TEX11: variants seen among roughly 807,000 people sequenced by gnomAD.
TEX11 encodes the protein testis expressed 11.
A neutral mutation model predicts 84.4 loss-of-function variants in TEX11; 7 were observed. The observed-to-expected ratio is 0.08, with a 90% CI of 0.05 to 0.16. The LOEUF is 0.16. Ranked by LOEUF, TEX11 falls within the 10% of genes least tolerant of loss-of-function variation. The pLI is 1.00. For synonymous variants in TEX11, 264 were observed against 222.8 expected (o/e 1.18, Z -1.64); for missense variants, 551 against 660.5 (o/e 0.83, Z 1.82).
intron 20 of TEX11, among the ~76,000 whole-genome samples, chrX:70,611,674 C>A (rs2147531089): frequency 9.0e-6 from 1 of 111,472 alleles, no homozygotes; most frequent in South Asian, 3.9e-4. Flanking sequence ...ACAGCCTGAC[C>A]TTCTGGGGTA....
intron 2 of TEX11, among the ~76,000 whole-genome samples, chrX:70,883,666 A>C (rs1363775329): frequency 8.9e-6 from 1 of 111,779 alleles, no homozygotes; most frequent in East Asian, 2.8e-4. Flanking sequence ...TTTTGAAAAA[A>C]ATTATTAAAT....
At chrX:70,615,623 G>A (rs773704006) in intron 20 of TEX11, among the ~76,000 whole-genome samples, 1 of 112,000 alleles carries the variant, frequency 8.9e-6, no homozygotes, top group East Asian at 2.8e-4. Context: ...GTTTCTTAAA[G>A]GGATAATAAT....
chrX:70,852,639 A>C (rs1229561212), intron 7 of TEX11, among the ~76,000 whole-genome samples: 1 of 112,413 alleles, frequency 8.9e-6, no homozygotes, highest in Non-Finnish European at 1.9e-5. Context: ...ATCTCAGCAG[A>C]CTTTTAGAAA....
intron 7 of TEX11, among the ~76,000 whole-genome samples, chrX:70,840,491 GA>G (rs2091436084): frequency 8.9e-6 from 1 of 111,830 alleles, no homozygotes; most frequent in Non-Finnish European, 1.9e-5. Flanking sequence ...GCTAAACATG[GA>G]AAGGAACAAC....
chrX:70,644,657 T>C (rs1314297255), intron 17 of TEX11, among the ~76,000 whole-genome samples: 1 of 93,188 alleles, frequency 1.1e-5, no homozygotes, highest in African/African-American at 3.9e-5. Flanking sequence ...TCATTCTCAG[T>C]AAACTATCGC....
intron 11 of TEX11, among the ~76,000 whole-genome samples, chrX:70,726,331 T>C (rs896009724): frequency 1.8e-5 from 2 of 111,787 alleles, no homozygotes; most frequent in African/African-American, 3.3e-5. Context: ...ATGGACATTT[T>C]ACTTCTGTTA....
chrX:70,755,199 T>C (rs1362415783), intron 9 of TEX11, among the ~76,000 whole-genome samples: 4 of 112,323 alleles, frequency 3.6e-5, no homozygotes, highest in African/African-American at 6.5e-5. Context: ...AATAGCTGTT[T>C]TGAGGAAACT....
chrX:70,651,678 GA>G, intron 16 of TEX11, 126 bp from the exon 17 acceptor site: 1 of 424,296 alleles, frequency 2.4e-6, no homozygotes, highest in Middle Eastern at 4.1e-4. Context: ...ATGAATCTAA[GA>G]AAAATATTTG....
At position 70,811,162 on chromosome X, in the gene TEX11, C is replaced by T. The variant is rs753033635; in HGVS notation, c.607-4372G>A. On this transcript the variant is annotated intron_variant, in intron 8 of 29. Transcript: ENST00000374333. ...TTTACATTAGGTATATCTCCTAATG[C>T]GATCCCTCCCCCCTGCCCCCACCCC... Among the ~76,000 whole-genome samples the T allele has an allele frequency of 2.4e-4, 26 of 110,331 alleles. 1 individual carries two copies. The highest frequency in any genetic ancestry group is 3.2e-4 in the Non-Finnish European group (17 of 52,740).
At chrX:70,617,349 T>TATATATATCATTATATATAC (rs2089330028) in intron 20 of TEX11, among the ~76,000 whole-genome samples, 1 of 106,409 alleles carries the variant, frequency 9.4e-6, no homozygotes, top group African/African-American at 3.4e-5. Flanking sequence ...AGGTTTTATA[T>TATATATATCATTATATATAC]ATATATATCA....
chrX:70,808,232 G>A (rs188460352), intron 8 of TEX11, among the ~76,000 whole-genome samples: 8 of 107,442 alleles, frequency 7.4e-5, no homozygotes, highest in African/African-American at 2.4e-4. Flanking sequence ...GCTGGGCACC[G>A]TGGCTCAAGC....
chrX:70,794,219 ACT>A (rs1346170175), intron 9 of TEX11, among the ~76,000 whole-genome samples: 2 of 111,230 alleles, frequency 1.8e-5, no homozygotes, highest in Non-Finnish European at 1.9e-5. Flanking sequence ...TGATTGTGAG[ACT>A]CTGCATCGCA....
chrX:70,602,162 G>A (rs1246642227), intron 24 of TEX11, among the ~76,000 whole-genome samples: 4 of 111,957 alleles, frequency 3.6e-5, no homozygotes, highest in Non-Finnish European at 1.9e-5. Context: ...GGCCGGGCGG[G>A]GGGCTGACCC....
intron 25 of TEX11, among the ~76,000 whole-genome samples, chrX:70,566,885 C>A (rs1315211485): frequency 1.8e-5 from 2 of 111,477 alleles, no homozygotes; most frequent in Non-Finnish European, 3.8e-5. Context: ...TGTGTCTCTG[C>A]CCGGCTTTGG....
At chrX:70,784,414 C>A (rs759931558) in intron 9 of TEX11, among the ~76,000 whole-genome samples, 45 of 111,414 alleles carry the variant, frequency 4.0e-4, no homozygotes, top group Middle Eastern at 4.6e-3. Context: ...CTTTGAAAAC[C>A]GGCACAAGAC....
Position 70,682,799 on chromosome X carries a change from G to A in TEX11, c.1031C>T (p.Thr344Met), listed in dbSNP as rs760003842. 12 of 1,206,857 alleles carry A rather than the reference G, an allele frequency of 9.9e-6. No individual in the cohort carries two copies. The highest frequency in any genetic ancestry group is 2.3e-4 in the Middle Eastern group (1 of 4,356). Residue 344 changes from threonine (T) to methionine (M), a missense_variant, in exon 14 of 30, where the codon ACG becomes ATG. Physicochemically the swap from Thr to Met is moderately conservative, Grantham distance 81. Transcript: ENST00000374333. ...TGACTTAAAACGTTCATGAATAATC[G>A]TCAGGAAATGAAACCCAACAGATTC... ...ERESVGFHFL[T>M]IIHERFKSSE... is the part of the protein sequence containing the mutation.
intron 16 of TEX11, among the ~76,000 whole-genome samples, chrX:70,657,560 G>T (rs1430151665): frequency 1.8e-5 from 2 of 108,909 alleles, no homozygotes; most frequent in Non-Finnish European, 3.8e-5. Flanking sequence ...AATCATAACC[G>T]ACTATTTAAA....
rs945430351 is a variant in TEX11, at chrX:70,621,990, T to G, written c.1751+1960A>C. Among the ~76,000 whole-genome samples the G allele has an allele frequency of 9.0e-5, 10 of 111,073 alleles. No homozygotes were observed. In the South Asian group the frequency reaches 1.5e-3, roughly 17 times the overall value. On this transcript the variant is annotated intron_variant, in intron 20 of 29. Transcript: ENST00000374333. ...ATAATCTATTTAAGAGAAAAACTGC[T>G]TTTAAAAGATTTAGCATATGAGTTG...
intron 7 of TEX11, among the ~76,000 whole-genome samples, chrX:70,852,129 T>A (rs1182280621): frequency 8.9e-6 from 1 of 112,253 alleles, no homozygotes. Context: ...TTATGGTATA[T>A]GAATTATATC....
Sources: gnomAD v4.1 joint callset for allele counts (sites outside exome capture counted in the v4.1 genomes callset) on GRCh38, gnomAD v4.1.1 for gene constraint, MANE v1.5 for transcripts, NCBI Gene and HGNC (gene_info 2026-07-23, HGNC 2026-07-21) for gene names.